Variants in COX10 observed in about 807,000 individuals in gnomAD.
The protein encoded by COX10 is protoheme IX farnesyltransferase, mitochondrial.
A neutral mutation model predicts 37.3 loss-of-function variants in COX10; 27 were observed. The ratio of observed to expected loss-of-function variants is 0.72; its 90% CI spans 0.53 to 1.00. The LOEUF (loss-of-function observed/expected upper bound fraction) is 1.00. COX10 is among the 50% of genes least tolerant of loss of function. COX10 has a pLI of 0.00. For missense variants in COX10, 475 were observed against 563.2 expected (o/e 0.84, Z 1.59); for synonymous variants, 222 against 229.1 (o/e 0.97, Z 0.28).
At chr17:14,090,306 G>C (rs1915497813) in intron 3 of COX10, among the ~76,000 whole-genome samples, 1 of 151,944 alleles carries the variant, frequency 6.6e-6, no homozygotes, top group Non-Finnish European at 1.5e-5. Flanking sequence ...TAAGATTAAG[G>C]AATGAAACAC....
intron 4 of COX10, among the ~76,000 whole-genome samples, chr17:14,109,997 G>A (rs1262206632): frequency 6.6e-6 from 1 of 151,820 alleles, no homozygotes; most frequent in Non-Finnish European, 1.5e-5. Flanking sequence ...AGATTCCTGG[G>A]ATTTCAGAAA....
rs540737897 is a variant in COX10 at position 14,074,343 on chromosome 17, T to A, written c.64T>A (p.Trp22Arg). Residue 22 changes from tryptophan to arginine, a missense_variant, in exon 2 of 7, where the codon TGG becomes AGG. Coordinates refer to ENST00000261643, the MANE Select transcript of COX10 (RefSeq NM_001303.4). ...TATAGGTTGCGTAGGAGGCTCTGTC[T>A]GGTATCTTGAAAGAAGAACTATACA... ...LLTGCVGGSVWYLERRTIQDS... is the reference protein window; with the variant it reads ...LLTGCVGGSVRYLERRTIQDS... 1 of 1,614,154 alleles carries A rather than the reference T, an allele frequency of 6.2e-7. No homozygotes were observed. The highest frequency in any genetic ancestry group is 2.2e-5 in the East Asian group (1 of 44,858).
intron 6 of COX10, among the ~76,000 whole-genome samples, chr17:14,194,966 A>T (rs1221114392): frequency 2.0e-5 from 3 of 152,170 alleles, no homozygotes; most frequent in Non-Finnish European, 4.4e-5. Context: ...GCAGTTTTTG[A>T]GGTTGGCTTC....
chr17:14,117,065 C>T (rs1916130522), intron 4 of COX10, among the ~76,000 whole-genome samples: 1 of 152,106 alleles, frequency 6.6e-6, no homozygotes, highest in South Asian at 2.1e-4. Flanking sequence ...AATATTTATT[C>T]ATTATTTGTA....
At chr17:14,070,052 T>G (rs1914979232) in intron 1 of COX10, among the ~76,000 whole-genome samples, 1 of 152,230 alleles carries the variant, frequency 6.6e-6, no homozygotes, top group African/African-American at 2.4e-5. Context: ...GAAGCCTTGT[T>G]CCAATATAAA....
In COX10 at chr17:14,148,727, C is replaced by G. The variant is rs777280300; in HGVS notation, c.625-11150C>G. ...GCCTTTTGCATAGGATGTAATTAAT[C>G]AAAGTAGGACTAGGAAGTACATCAG... On this transcript the variant is annotated intron_variant, in intron 4 of 6. Coordinates refer to ENST00000261643, the MANE Select transcript of COX10 (RefSeq NM_001303.4). Among the ~76,000 whole-genome samples the G allele has an allele frequency of 1.8e-4, 27 of 152,012 alleles. 1 individual carries two copies. The highest frequency in any genetic ancestry group is 9.7e-5 in the African/African-American group (4 of 41,404).
chr17:14,172,129 G>C (rs1465971266), intron 5 of COX10, among the ~76,000 whole-genome samples: 1 of 152,042 alleles, frequency 6.6e-6, no homozygotes, highest in Non-Finnish European at 1.5e-5. Context: ...TCAACTGGCA[G>C]ATAGGTCTTC....
At chr17:14,106,698 G>T (rs1915900526) in intron 4 of COX10, among the ~76,000 whole-genome samples, 1 of 152,126 alleles carries the variant, frequency 6.6e-6, no homozygotes, top group African/African-American at 2.4e-5. Flanking sequence ...CATCAGAAAT[G>T]TTCTTTTAAT....
At chr17:14,200,553 G>A (rs1446775751) in intron 6 of COX10, among the ~76,000 whole-genome samples, 1 of 152,156 alleles carries the variant, frequency 6.6e-6, no homozygotes, top group African/African-American at 2.4e-5. Context: ...AGGAAGGAGG[G>A]AAGTAACGAT....
intron 6 of COX10, among the ~76,000 whole-genome samples, chr17:14,198,900 T>C (rs1259241604): frequency 1.3e-5 from 2 of 152,334 alleles, no homozygotes; most frequent in Middle Eastern, 3.4e-3. Context: ...GTGTTCACTT[T>C]GTATAAGATT....
Position 14,207,171 on chromosome 17 carries a change from G to A in COX10, c.1290G>A (p.Lys430=), listed in dbSNP as rs753509717. ...PLLLLLMLTC[K]RPSGGGDAGP... ...TGCTGCTGCTCATGCTCACCTGCAA[G>A]CGGCCGAGCGGAGGCGGGGACGCAG... Residue 430 remains lysine (K), a synonymous_variant, in exon 7 of 7, where the codon AAG becomes AAA. Transcript: ENST00000261643. 2 of 1,609,082 alleles carry A rather than the reference G, an allele frequency of 1.2e-6. No homozygotes were observed. The highest frequency in any genetic ancestry group is 4.5e-5 in the East Asian group (2 of 44,832).
chr17:14,084,034 A>G (rs370362224), intron 3 of COX10, among the ~76,000 whole-genome samples: 252 of 152,316 alleles, frequency 1.7e-3, no homozygotes, highest in African/African-American at 5.9e-3. Flanking sequence ...TGATCTATCA[A>G]TGTATAAATT....
At chr17:14,104,360 G>A (rs754534410) in intron 4 of COX10, among the ~76,000 whole-genome samples, 98 of 152,176 alleles carry the variant, frequency 6.4e-4, no homozygotes, top group Non-Finnish European at 7.2e-4. Context: ...TTAAAATAAA[G>A]GAATGCAAAA....
intron 4 of COX10, among the ~76,000 whole-genome samples, chr17:14,144,027 A>C (rs1297691379): frequency 6.6e-6 from 1 of 152,112 alleles, no homozygotes; most frequent in Non-Finnish European, 1.5e-5. Flanking sequence ...GCAACTCCTG[A>C]GGGATTAATG....
At chr17:14,147,031 G>A (rs143545965) in intron 4 of COX10, among the ~76,000 whole-genome samples, 20 of 152,234 alleles carry the variant, frequency 1.3e-4, no homozygotes, top group African/African-American at 4.6e-4. Flanking sequence ...GGGAATCCTC[G>A]TACACTGTTA....
chr17:14,151,536 C>T (rs1713279617), intron 4 of COX10, among the ~76,000 whole-genome samples: 1 of 30,368 alleles, frequency 3.3e-5, no homozygotes, highest in Non-Finnish European at 7.9e-5. Context: ...AACACACACA[C>T]ACACACACAC....
intron 4 of COX10, among the ~76,000 whole-genome samples, chr17:14,118,280 C>G (rs926457448): frequency 1.3e-5 from 2 of 152,048 alleles, no homozygotes; most frequent in African/African-American, 2.4e-5. Flanking sequence ...GGACCCTGCC[C>G]TTCTCTACTC....
chr17:14,183,352 T>C (rs896560644), intron 5 of COX10, among the ~76,000 whole-genome samples: 2 of 152,200 alleles, frequency 1.3e-5, no homozygotes, highest in Non-Finnish European at 2.9e-5. Flanking sequence ...AATAGTGTTG[T>C]TTTTCTTATT....
intron 3 of COX10, among the ~76,000 whole-genome samples, chr17:14,077,507 T>A (rs1555533234): frequency 6.6e-6 from 1 of 152,176 alleles, no homozygotes; most frequent in Non-Finnish European, 1.5e-5. Flanking sequence ...TTGTCACAGG[T>A]CTGTGGGGAT....
Sources: gnomAD v4.1 joint callset for allele counts (sites outside exome capture counted in the v4.1 genomes callset) on GRCh38, gnomAD v4.1.1 for gene constraint, MANE v1.5 for transcripts, NCBI Gene and HGNC (gene_info 2026-07-23, HGNC 2026-07-21) for gene names.